Variants in HIVEP3 observed in about 807,000 individuals in gnomAD.
The protein encoded by HIVEP3 is HIVEP zinc finger 3.
In HIVEP3, 49 loss-of-function variants were observed where a neutral mutation model predicts 152.8. The ratio of observed to expected loss-of-function variants is 0.32; its 90% CI spans 0.26 to 0.41. The LOEUF (loss-of-function observed/expected upper bound fraction) is 0.41, where lower values mean the gene tolerates loss of function less well. HIVEP3 is among the 10% of genes least tolerant of loss of function. The pLI, the probability that HIVEP3 is intolerant of heterozygous loss-of-function variation, is 1.00. For synonymous variants in HIVEP3, 1,269 were observed against 1,289.0 expected (o/e 0.98, Z 0.33); for missense variants, 2,790 against 3,103.3 (o/e 0.90, Z 2.40).
chr1:41,787,689 TA>T (rs761181678), intron 1 of HIVEP3, among the ~76,000 whole-genome samples: 5,298 of 144,250 alleles, frequency 0.037, 187 homozygotes, highest in African/African-American at 0.1. Flanking sequence ...CCCAGCTAAT[TA>T]AAAAAATTTT....
intron 1 of HIVEP3, among the ~76,000 whole-genome samples, chr1:41,963,360 G>T (rs912557317): frequency 6.6e-6 from 1 of 152,028 alleles, no homozygotes; most frequent in Non-Finnish European, 1.5e-5. Flanking sequence ...AAATCACTCC[G>T]AGTTTTTTAT....
intron 1 of HIVEP3, among the ~76,000 whole-genome samples, chr1:41,871,826 C>G (rs760231622): frequency 2.0e-5 from 3 of 152,130 alleles, no homozygotes; most frequent in Admixed American, 6.5e-5. Context: ...TCAAGAAGCT[C>G]AAAATCCTCA....
In HIVEP3 at chr1:41,506,470, A is replaced by G. The variant is rs190793604; in HGVS notation, c.*3981T>C. 85 of 152,308 alleles carry G rather than the reference A, an allele frequency of 5.6e-4. No individual in the cohort carries two copies. The highest frequency in any genetic ancestry group is 2.0e-3 in the African/African-American group (85 of 41,566). The allele number at this position is 152,308 out of a possible 1,614,324, so 9.4% of individuals were successfully genotyped here. A position where few individuals can be genotyped will look rare whatever the true frequency, so the allele number is the denominator to read the frequency against. The stretch of plus-strand genomic sequence containing the variant: ...GAGCTGTAATAAAGGCAATTATTAT[A>G]CTTGTAAAAACTTCTCATTCACAGT... On this transcript the variant is annotated 3_prime_UTR_variant, in exon 9 of 9. Transcript: ENST00000372583.
chr1:41,979,265 C>G (rs186497384), intron 1 of HIVEP3, among the ~76,000 whole-genome samples: 1 of 152,312 alleles, frequency 6.6e-6, no homozygotes, highest in East Asian at 1.9e-4. Context: ...GTTCTCGCTG[C>G]TCTCCTCCTC....
intron 1 of HIVEP3, among the ~76,000 whole-genome samples, chr1:41,973,074 A>ACC (rs1553139439): frequency 1.3e-5 from 2 of 151,894 alleles, no homozygotes; most frequent in African/African-American, 4.8e-5. Flanking sequence ...ACACACACAC[A>ACC]ATTATGAAAG....
chr1:41,550,667 C>G (rs898271344), intron 5 of HIVEP3, among the ~76,000 whole-genome samples: 1 of 152,116 alleles, frequency 6.6e-6, no homozygotes, highest in African/African-American at 2.4e-5. Context: ...CATGATTTGG[C>G]TCTCTGTTTG....
intron 1 of HIVEP3, among the ~76,000 whole-genome samples, chr1:41,995,167 C>T (rs1479062000): frequency 6.6e-6 from 1 of 151,380 alleles, no homozygotes; most frequent in East Asian, 1.9e-4. Flanking sequence ...CAGTGAAAGG[C>T]CCAGTGAAAC....
chr1:41,723,083 G>A (rs1240966482), intron 1 of HIVEP3, among the ~76,000 whole-genome samples: 4 of 152,138 alleles, frequency 2.6e-5, no homozygotes, highest in African/African-American at 9.7e-5. Context: ...GGGGAATGAC[G>A]TGACCAGGTT....
At chr1:41,539,967 T>A (rs918935680) in intron 5 of HIVEP3, among the ~76,000 whole-genome samples, 12 of 152,340 alleles carry the variant, frequency 7.9e-5, no homozygotes, top group Middle Eastern at 6.8e-3. Context: ...ATAGCAGGTA[T>A]TGAGGCAGAA....
chr1:41,911,374 C>T (rs896438144), intron 1 of HIVEP3, among the ~76,000 whole-genome samples: 1 of 152,086 alleles, frequency 6.6e-6, no homozygotes, highest in Non-Finnish European at 1.5e-5. Flanking sequence ...AAAGTTTTTG[C>T]AAGATTAGAG....
chr1:41,558,658 C>T (rs1644006895), intron 5 of HIVEP3, among the ~76,000 whole-genome samples: 1 of 152,214 alleles, frequency 6.6e-6, no homozygotes. Context: ...TGCAGAGGAG[C>T]TTCCCTCGGC....
intron 1 of HIVEP3, among the ~76,000 whole-genome samples, chr1:41,851,793 G>A (rs937262509): frequency 3.3e-5 from 5 of 152,210 alleles, no homozygotes; most frequent in East Asian, 1.9e-4. Flanking sequence ...GGGTGGTGTC[G>A]ATTTACTTCT....
Position 41,710,051 on chromosome 1 carries a change from G to A in HIVEP3, c.-800-9056C>T, listed in dbSNP as rs114948564. Among the ~76,000 whole-genome samples, 296 of 152,258 alleles carry A rather than the reference G, an allele frequency of 1.9e-3. 1 individual carries two copies. Among genetic ancestry groups the A allele is most frequent in the African/African-American group, 7.0e-3 (289 of 41,540 alleles). ...TGTGCCAATCTGAGTCAACATGCAA[G>A]CAACCCTAATGCCCGAAGAGAGCTC... On this transcript the variant is annotated intron_variant, in intron 1 of 8. Coordinates refer to ENST00000372583, the MANE Select transcript of HIVEP3 (RefSeq NM_024503.5).
At chr1:41,702,927 C>CCATT (rs964343068) in intron 1 of HIVEP3, among the ~76,000 whole-genome samples, 4 of 152,136 alleles carry the variant, frequency 2.6e-5, no homozygotes, top group African/African-American at 9.7e-5. Flanking sequence ...ACTGCTAGGA[C>CCATT]CATTCATTCA....
chr1:41,940,363 T>C (rs943323990), intron 1 of HIVEP3, among the ~76,000 whole-genome samples: 5 of 152,374 alleles, frequency 3.3e-5, no homozygotes, highest in African/African-American at 1.2e-4. Flanking sequence ...CCCAACACTG[T>C]GCCAGGCATT....
chr1:41,549,403 T>G (rs966524973), intron 5 of HIVEP3, among the ~76,000 whole-genome samples: 1 of 152,252 alleles, frequency 6.6e-6, no homozygotes, highest in African/African-American at 2.4e-5. Context: ...ATGGGATTCC[T>G]GGATCAAATG....
chr1:41,525,807 T>A (rs1642883507), intron 5 of HIVEP3, among the ~76,000 whole-genome samples: 1 of 152,190 alleles, frequency 6.6e-6, no homozygotes. Context: ...CTTGTTGGTC[T>A]AATGCTATAC....
At chr1:41,746,585 G>A (rs764784817) in intron 1 of HIVEP3, among the ~76,000 whole-genome samples, 19 of 152,208 alleles carry the variant, frequency 1.2e-4, no homozygotes, top group Non-Finnish European at 2.6e-4. Flanking sequence ...GGGCTTCGGT[G>A]GCTCCTGACT....
chr1:41,824,836 G>A (rs1203687561), intron 1 of HIVEP3, among the ~76,000 whole-genome samples: 2 of 101,746 alleles, frequency 2.0e-5, no homozygotes, highest in African/African-American at 7.7e-5. Flanking sequence ...GAGAGAGAGA[G>A]AGAGAGTTTA....
Sources: gnomAD v4.1 joint callset for allele counts (sites outside exome capture counted in the v4.1 genomes callset) on GRCh38, gnomAD v4.1.1 for gene constraint, MANE v1.5 for transcripts, NCBI Gene and HGNC (gene_info 2026-07-23, HGNC 2026-07-21) for gene names.